PCDHA9: variants seen among roughly 807,000 people sequenced by gnomAD.
PCDHA9 encodes the protein protocadherin alpha-9.
In PCDHA9, 62 loss-of-function variants were observed where a neutral mutation model predicts 62.0. The observed-to-expected ratio is 1.00, with a 90% CI of 0.81 to 1.23. The LOEUF (loss-of-function observed/expected upper bound fraction) is 1.23, where lower values mean the gene tolerates loss of function less well. Among genes scored for constraint, PCDHA9 ranks in the 50% most tolerant of loss-of-function variants. PCDHA9 has a pLI of 0.00. For missense variants in PCDHA9, 1,205 were observed against 1,249.8 expected (o/e 0.96, Z 0.54); for synonymous variants, 557 against 567.6 (o/e 0.98, Z 0.27).
In PCDHA9 at chr5:140,885,198, T is replaced by A. The variant is rs531029212; in HGVS notation, c.2394+34309T>A. On this transcript the variant is annotated intron_variant, in intron 1 of 3. Coordinates refer to ENST00000532602, the MANE Select transcript of PCDHA9 (RefSeq NM_031857.2). ...TAGGCACATCAGTGTTCCCCTCTCATATATCCCATGAAAAATATCTTGTGA... is the reference window on the plus strand; with the variant it reads ...TAGGCACATCAGTGTTCCCCTCTCAAATATCCCATGAAAAATATCTTGTGA... Among the ~76,000 whole-genome samples the A allele has an allele frequency of 5.9e-5, 9 of 152,276 alleles. No homozygotes were observed. In the South Asian group the frequency reaches 1.7e-3, roughly 28 times the overall value.
intron 1 of PCDHA9, among the ~76,000 whole-genome samples, chr5:140,894,231 G>A (rs1265861426): frequency 1.3e-5 from 2 of 151,980 alleles, no homozygotes; most frequent in South Asian, 2.1e-4. Flanking sequence ...GATGTTGAAT[G>A]ACAATGTAAT....
At chr5:140,887,125 C>G (rs1391575318) in intron 1 of PCDHA9, among the ~76,000 whole-genome samples, 3 of 150,080 alleles carry the variant, frequency 2.0e-5, no homozygotes. Context: ...GAGACGGAGT[C>G]TCACTCTGTC....
At chr5:140,960,511 C>T (rs2153725482) in intron 1 of PCDHA9, among the ~76,000 whole-genome samples, 1 of 152,156 alleles carries the variant, frequency 6.6e-6, no homozygotes, top group East Asian at 1.9e-4. Context: ...AAGCAGCAAA[C>T]ATAATGGGTA....
intron 3 of PCDHA9, among the ~76,000 whole-genome samples, chr5:140,989,910 G>A (rs941838001): frequency 3.3e-5 from 5 of 152,062 alleles, no homozygotes; most frequent in African/African-American, 1.2e-4. Flanking sequence ...ATCAGAAAAA[G>A]AGGGAGAGCA....
chr5:140,969,210 C>T, intron 1 of PCDHA9: 10 of 1,614,184 alleles, frequency 6.2e-6, no homozygotes, highest in Non-Finnish European at 8.5e-6. Flanking sequence ...GGGGCCCAGA[C>T]AGGACCAGGG....
chr5:140,900,141 A>G (rs2067777266), intron 1 of PCDHA9, among the ~76,000 whole-genome samples: 1 of 152,202 alleles, frequency 6.6e-6, no homozygotes, highest in Middle Eastern at 3.2e-3. Context: ...ACAAATAAGT[A>G]AGAACATACG....
chr5:140,967,601 C>A lies in PCDHA9; in HGVS notation c.2395-11348C>A, dbSNP rs782574259. The A allele has an allele frequency of 9.3e-6, 15 of 1,614,144 alleles. No individual in the cohort carries two copies. The highest frequency in any genetic ancestry group is 1.3e-5 in the Non-Finnish European group (15 of 1,180,034). ...ACCCCCAGGCACATTGGTGGTGAAGCTGAATGCCTCAGACCCGGATGAGGG... is the reference window on the plus strand; with the variant it reads ...ACCCCCAGGCACATTGGTGGTGAAGATGAATGCCTCAGACCCGGATGAGGG... On this transcript the variant is annotated intron_variant, in intron 1 of 3. Transcript: ENST00000532602.
chr5:140,963,526 T>G (rs1359195018), intron 1 of PCDHA9, among the ~76,000 whole-genome samples: 3 of 152,204 alleles, frequency 2.0e-5, no homozygotes, highest in Non-Finnish European at 4.4e-5. Flanking sequence ...ATAACAGAAG[T>G]CCCATTTACT....
At chr5:140,909,438 T>C (rs2074496860) in intron 1 of PCDHA9, among the ~76,000 whole-genome samples, 1 of 152,222 alleles carries the variant, frequency 6.6e-6, no homozygotes, top group Non-Finnish European at 1.5e-5. Context: ...GATAATCCAC[T>C]GTCATTCTCC....
chr5:140,966,938 G>A (rs1159097726), intron 1 of PCDHA9: 1 of 1,604,146 alleles, frequency 6.2e-7, no homozygotes, highest in African/African-American at 1.3e-5. Context: ...CGGCGCGCTC[G>A]TGGGCAACGT....
At chr5:140,883,138 A>G (rs967946520) in intron 1 of PCDHA9, 3 of 1,614,120 alleles carry the variant, frequency 1.9e-6, no homozygotes, top group Non-Finnish European at 2.5e-6. Flanking sequence ...CTGCAGTGGT[A>G]TATGCATTTA....
Position 140,855,923 on chromosome 5 carries a change from A to T in PCDHA9, c.2394+5034A>T, listed in dbSNP as rs1424860955. On this transcript the variant is annotated intron_variant, in intron 1 of 3. Coordinates refer to ENST00000532602, the MANE Select transcript of PCDHA9 (RefSeq NM_031857.2). Reference sequence around the variant, plus strand: ...GCCAGTTTCTCAAGGACTAGGAAGTAGCGTCATTCTGAGATCTCAGCCATT... The same window carrying T: ...GCCAGTTTCTCAAGGACTAGGAAGTTGCGTCATTCTGAGATCTCAGCCATT... 7.3e-6 allele frequency: 9 copies of T among 1,229,146 alleles called. No individual in the cohort carries two copies. In the South Asian group the frequency reaches 1.4e-4, roughly 19 times the overall value. 76.1% of individuals were successfully genotyped at this position (1,229,146 alleles called of 1,614,324 possible).
intron 1 of PCDHA9, chr5:140,883,657 C>A (rs782568456): frequency 1.2e-6 from 2 of 1,613,470 alleles, no homozygotes; most frequent in East Asian, 4.5e-5. Context: ...ACACGGTGTT[C>A]GTGAAGGAAA....
chr5:140,885,566 G>T (rs190303990), intron 1 of PCDHA9, among the ~76,000 whole-genome samples: 3 of 152,162 alleles, frequency 2.0e-5, no homozygotes, highest in South Asian at 4.2e-4. Flanking sequence ...GAAATTGATT[G>T]TCAGATGTGG....
At chr5:140,884,239 C>A (rs781996098) in intron 1 of PCDHA9, 1 of 1,613,424 alleles carries the variant, frequency 6.2e-7, no homozygotes, top group South Asian at 1.1e-5. Flanking sequence ...ACGGTGAGCC[C>A]GCGCTGACGG....
chr5:140,941,193 TTC>T (rs1491512649), intron 1 of PCDHA9, among the ~76,000 whole-genome samples: 2 of 116,638 alleles, frequency 1.7e-5, no homozygotes, highest in Admixed American at 1.7e-4. Flanking sequence ...TTCTTTTTTT[TTC>T]TTTCTTCCTT....
chr5:140,925,033 C>G (rs1176042899), intron 1 of PCDHA9, among the ~76,000 whole-genome samples: 1 of 151,334 alleles, frequency 6.6e-6, no homozygotes, highest in Non-Finnish European at 1.5e-5. Flanking sequence ...ATCGCTTGAG[C>G]CCAGAAGTTT....
chr5:140,935,388 T>C (rs2090344079), intron 1 of PCDHA9, among the ~76,000 whole-genome samples: 1 of 152,240 alleles, frequency 6.6e-6, no homozygotes, highest in African/African-American at 2.4e-5. Context: ...TCATTTGTTA[T>C]CCCACGGGAC....
intron 1 of PCDHA9, among the ~76,000 whole-genome samples, chr5:140,903,721 C>A (rs2070530222): frequency 6.6e-6 from 1 of 152,152 alleles, no homozygotes; most frequent in Non-Finnish European, 1.5e-5. Flanking sequence ...ACAATTCTCC[C>A]TATTATCAAT....
Sources: allele counts gnomAD v4.1 joint callset (sites outside exome capture counted in the v4.1 genomes callset), GRCh38; gene constraint gnomAD v4.1.1; transcripts MANE v1.5; gene names NCBI Gene and HGNC (gene_info 2026-07-23, HGNC 2026-07-21).